TAOK1: variants seen among roughly 807,000 people sequenced by gnomAD.
TAOK1 encodes the protein TAO kinase 1.
In TAOK1, 21 loss-of-function variants were observed where a neutral mutation model predicts 138.3. That is an observed-to-expected ratio of 0.15 (90% CI 0.11 to 0.22). The LOEUF (loss-of-function observed/expected upper bound fraction) is 0.22. Ranked by LOEUF, TAOK1 falls within the 10% of genes least tolerant of loss-of-function variation. The pLI, the probability that TAOK1 is intolerant of heterozygous loss-of-function variation, is 1.00. For synonymous variants in TAOK1, 361 were observed against 398.4 expected, an observed-to-expected ratio of 0.91 and a Z score of 1.12; for missense variants, 651 against 1,227.7, an observed-to-expected ratio of 0.53 and a Z score of 7.02.
In TAOK1 at chr17:29,507,988, A is replaced by G. The variant is rs777909799; in HGVS notation, c.1431A>G (p.Gln477=). 2.5e-6 allele frequency: 4 copies of G among 1,614,156 alleles called. No homozygotes were observed. The highest frequency in any genetic ancestry group is 1.6e-4 in the Middle Eastern group (1 of 6,062). ...GAATGAGGCGACAACATCAAAAGCA[A>G]CTGATGACTCTGGAAAACAAGCTAA... The part of the protein sequence containing the change: ...YKRMRRQHQK[Q]LMTLENKLKA... The change falls in exon 14 of 20, where the codon CAA becomes CAG. Residue 477 remains glutamine, a synonymous_variant. Transcript: ENST00000261716.
chr17:29,437,734 C>CTTTTTTTTTTTTTTTTTTTTTTTTTTT (rs11447325), intron 1 of TAOK1, among the ~76,000 whole-genome samples: 1 of 124,238 alleles, frequency 8.0e-6, no homozygotes, highest in Non-Finnish European at 1.6e-5. Context: ...TTATATTCTT[C>CTTTTTTTTTTTTTTTTTTTTTTTTTTT]TTTTTTTTTT....
intron 1 of TAOK1, among the ~76,000 whole-genome samples, chr17:29,396,860 C>T (rs970080529): frequency 6.6e-6 from 1 of 151,744 alleles, no homozygotes; most frequent in African/African-American, 2.4e-5. Context: ...GGCGTGGTGG[C>T]GTGTGCCTGT....
At chr17:29,407,216 G>A (rs1905019543) in intron 1 of TAOK1, among the ~76,000 whole-genome samples, 1 of 152,022 alleles carries the variant, frequency 6.6e-6, no homozygotes, top group Non-Finnish European at 1.5e-5. Flanking sequence ...TGAACTCCTG[G>A]CCTTAAGCCA....
chr17:29,423,876 C>G (rs1218161402), intron 1 of TAOK1, among the ~76,000 whole-genome samples: 1 of 151,770 alleles, frequency 6.6e-6, no homozygotes, highest in Non-Finnish European at 1.5e-5. Context: ...GGCGAAACCC[C>G]GTCTCCACTA....
At chr17:29,408,507 C>T (rs560605298) in intron 1 of TAOK1, among the ~76,000 whole-genome samples, 15 of 152,222 alleles carry the variant, frequency 9.9e-5, no homozygotes, top group African/African-American at 3.4e-4. Context: ...TGAGCCACTG[C>T]GCCTGGCCCA....
intron 18 of TAOK1, 103 bp from the exon 19 acceptor site, chr17:29,534,015 G>C: frequency 1.6e-6 from 2 of 1,255,892 alleles, no homozygotes; most frequent in Non-Finnish European, 2.1e-6. Flanking sequence ...AACTAAAAAA[G>C]AGTAGTCTGT....
Position 29,502,591 on chromosome 17 carries a change from G to A in TAOK1, c.1206G>A (p.Glu402=). ...SNSSVIHLKP[E]EENYREEGDP... The stretch of plus-strand genomic sequence containing the variant: ...TTGTCTTTTTTTTTTTTTCCTAGGA[G>A]GAAGAAAATTACAGAGAAGAGGGAG... The change falls in exon 13 of 20, where the codon GAG becomes GAA. Residue 402 remains glutamate (E), a splice_region_variant and synonymous_variant. Coordinates refer to ENST00000261716, the MANE Select transcript of TAOK1 (RefSeq NM_020791.4). 3.1e-6 allele frequency: 5 copies of A among 1,600,318 alleles called. No homozygotes were observed. Among genetic ancestry groups the A allele is most frequent in the Non-Finnish European group, 2.6e-6 (3 of 1,175,860 alleles).
intron 6 of TAOK1, 38 bp downstream of exon 6, chr17:29,478,385 G>A (rs200942219): frequency 5.7e-6 from 8 of 1,413,352 alleles, no homozygotes; most frequent in Non-Finnish European, 6.7e-6. Context: ...TAAGTAAATG[G>A]CTTGTTGCAT....
chr17:29,455,827 C>T (rs2030363326), intron 2 of TAOK1, among the ~76,000 whole-genome samples: 1 of 149,990 alleles, frequency 6.7e-6, no homozygotes, highest in South Asian at 2.1e-4. Context: ...CAAACTTCAT[C>T]ACGGTTTGTA....
chr17:29,500,427 C>T (rs1435669112), intron 12 of TAOK1, among the ~76,000 whole-genome samples: 1 of 152,074 alleles, frequency 6.6e-6, no homozygotes, highest in South Asian at 2.1e-4. Flanking sequence ...CCAAATTATT[C>T]ATCAACGGAT....
In TAOK1 at chr17:29,403,551, T is replaced by G. The variant is rs768073610; in HGVS notation, c.-95+12527T>G. 3.0e-3 allele frequency among the ~76,000 whole-genome samples: 462 copies of G among 152,262 alleles called. 2 individuals carry two copies. The highest frequency in any genetic ancestry group is 5.2e-3 in the Non-Finnish European group (355 of 68,028). On this transcript the variant is annotated intron_variant, in intron 1 of 19. Coordinates refer to ENST00000261716, the MANE Select transcript of TAOK1 (RefSeq NM_020791.4). ...TTTTATTTAATATATAGTATTTAAGTAATCTCCTGCTGCATAAATGGTAGA... is the reference window on the plus strand; with the variant it reads ...TTTTATTTAATATATAGTATTTAAGGAATCTCCTGCTGCATAAATGGTAGA...
At chr17:29,534,931 GTGTGTGT>G (rs2032197985) in intron 19 of TAOK1, among the ~76,000 whole-genome samples, 1 of 68,334 alleles carries the variant, frequency 1.5e-5, no homozygotes, top group South Asian at 4.6e-4. Flanking sequence ...ATACTAAGGT[GTGTGTGT>G]GTGTGTGTGT....
chr17:29,439,778 A>G (rs1390160380), intron 1 of TAOK1, among the ~76,000 whole-genome samples: 1 of 151,060 alleles, frequency 6.6e-6, no homozygotes, highest in East Asian at 1.9e-4. Context: ...AGTCCCAGCT[A>G]CTTAGGAGGC....
intron 3 of TAOK1, among the ~76,000 whole-genome samples, chr17:29,468,829 G>A (rs912273784): frequency 2.6e-5 from 4 of 152,188 alleles, no homozygotes; most frequent in South Asian, 2.1e-4. Context: ...GATTACAGGC[G>A]TGAGCCACCG....
Position 29,537,751 on chromosome 17 carries a change from G to GA in TAOK1, c.2544+3460dup, listed in dbSNP as rs998670330. On this transcript the variant is annotated intron_variant, in intron 19 of 19. Transcript: ENST00000261716. ...AAAGGAAAAGAAATCCAAATTACAG[G>GA]AAAAAAAAACTGCATAAATATGTTA... is the stretch of plus-strand genomic sequence containing the variant. Among the ~76,000 whole-genome samples the GA allele has an allele frequency of 9.4e-5, 14 of 149,290 alleles. No individual in the cohort carries two copies. The East Asian group carries it at 1.2e-3, about 12-fold the overall frequency.
intron 2 of TAOK1, among the ~76,000 whole-genome samples, chr17:29,461,580 T>A (rs2030532821): frequency 6.6e-6 from 1 of 152,228 alleles, no homozygotes; most frequent in East Asian, 1.9e-4. Context: ...AAGAAGAATA[T>A]GCAACATAGA....
In TAOK1 at chr17:29,471,203, G is replaced by C. The variant is rs147151579; in HGVS notation, c.204+3987G>C. ...GTCCATGCTATACTGTAGTACCGTA[G>C]TCCATTAAGTGTGCAATAACATTTT... On this transcript the variant is annotated intron_variant, in intron 3 of 19. Coordinates refer to ENST00000261716, the MANE Select transcript of TAOK1 (RefSeq NM_020791.4). Among the ~76,000 whole-genome samples the C allele has an allele frequency of 1.7e-4, 25 of 150,368 alleles. 1 individual carries two copies. The East Asian group carries it at 4.9e-3, about 29-fold the overall frequency.
At chr17:29,470,278 C>T (rs2030783087) in intron 3 of TAOK1, among the ~76,000 whole-genome samples, 1 of 152,062 alleles carries the variant, frequency 6.6e-6, no homozygotes, top group Non-Finnish European at 1.5e-5. Flanking sequence ...ACTGTATTTC[C>T]TGATAGGTAT....
chr17:29,518,263 C>G (rs569108292), intron 16 of TAOK1, among the ~76,000 whole-genome samples: 1 of 152,250 alleles, frequency 6.6e-6, no homozygotes, highest in South Asian at 2.1e-4. Flanking sequence ...TCACTTGATC[C>G]TAGGAGTTTG....
Sources: gnomAD v4.1 joint callset for allele counts (sites outside exome capture counted in the v4.1 genomes callset) on GRCh38, gnomAD v4.1.1 for gene constraint, MANE v1.5 for transcripts, NCBI Gene and HGNC (gene_info 2026-07-23, HGNC 2026-07-21) for gene names.